The following KIAA1217 variants were observed in gnomAD, a reference collection of about 807,000 sequenced individuals.
KIAA1217 encodes the protein KIAA1217.
KIAA1217 carries 88 observed loss-of-function variants against 163.9 expected under a neutral mutation model. The ratio of observed to expected loss-of-function variants is 0.54; its 90% CI spans 0.45 to 0.64. KIAA1217 has a LOEUF of 0.64. Ranked by LOEUF, KIAA1217 falls within the 30% of genes least tolerant of loss-of-function variation. The probability of loss-of-function intolerance (pLI) is 0.00; values close to 1 mark genes in which losing one functional copy is unlikely to be tolerated. For missense variants in KIAA1217, 2,372 were observed against 2,475.0 expected, an observed-to-expected ratio of 0.96 and a Z score of 0.88; for synonymous variants, 903 against 923.1, an observed-to-expected ratio of 0.98 and a Z score of 0.39.
intron 1 of KIAA1217, among the ~76,000 whole-genome samples, chr10:23,831,253 A>C (rs541646593): frequency 6.6e-6 from 1 of 152,100 alleles, no homozygotes; most frequent in Non-Finnish European, 1.5e-5. Flanking sequence ...AAATATAGAT[A>C]AATGGGACTA....
At chr10:24,139,286 T>C (rs2063957746) in intron 2 of KIAA1217, among the ~76,000 whole-genome samples, 1 of 152,154 alleles carries the variant, frequency 6.6e-6, no homozygotes, top group African/African-American at 2.4e-5. Context: ...CATATAATTA[T>C]ACATACTCTA....
chr10:24,535,865 T>C (rs1480530639), intron 16 of KIAA1217, among the ~76,000 whole-genome samples: 1 of 151,958 alleles, frequency 6.6e-6, no homozygotes, highest in African/African-American at 2.4e-5. Flanking sequence ...AAAAAAATCC[T>C]ACAGCTCAGA....
chr10:24,153,614 C>T (rs2064727828), intron 2 of KIAA1217, among the ~76,000 whole-genome samples: 1 of 152,162 alleles, frequency 6.6e-6, no homozygotes, highest in Middle Eastern at 3.2e-3. Flanking sequence ...TGAATGAATT[C>T]CACTGACCTG....
chr10:24,505,196 A>G (rs2068172936), intron 9 of KIAA1217, among the ~76,000 whole-genome samples: 1 of 150,920 alleles, frequency 6.6e-6, no homozygotes, highest in Non-Finnish European at 1.5e-5. Flanking sequence ...GCTATTACCA[A>G]TGACTTAAAG....
intron 1 of KIAA1217, among the ~76,000 whole-genome samples, chr10:23,988,562 C>G (rs1171671662): frequency 6.6e-6 from 1 of 151,936 alleles, no homozygotes; most frequent in East Asian, 1.9e-4. Flanking sequence ...AGAGAAAGAC[C>G]AAACAAACAA....
At chr10:23,830,710 A>AGGTAGG (rs1564458248) in intron 1 of KIAA1217, among the ~76,000 whole-genome samples, 28 of 105,326 alleles carry the variant, frequency 2.7e-4, no homozygotes, top group African/African-American at 9.3e-4. Flanking sequence ...AGGTAGGTAG[A>AGGTAGG]TAGATAGGTA....
intron 2 of KIAA1217, among the ~76,000 whole-genome samples, chr10:24,374,151 A>G (rs1378588257): frequency 6.6e-6 from 1 of 152,268 alleles, no homozygotes; most frequent in Non-Finnish European, 1.5e-5. Context: ...AATAAATCCT[A>G]GAGAAAATGC....
intron 2 of KIAA1217, among the ~76,000 whole-genome samples, chr10:24,133,399 C>T (rs925041958): frequency 1.3e-5 from 2 of 151,836 alleles, no homozygotes; most frequent in African/African-American, 4.8e-5. Context: ...TGGTGAAACC[C>T]TGTCTCTATT....
At chr10:24,390,467 GGGAGGGAGGGAAGGAAGGAA>G (rs1430053847) in intron 3 of KIAA1217, among the ~76,000 whole-genome samples, 1 of 94,268 alleles carries the variant, frequency 1.1e-5, no homozygotes, top group East Asian at 3.4e-4. Context: ...AAAGGAGGGA[GGGAGGGAGGGAAGGAAGGAA>G]GGAAGGAAGG....
chr10:24,050,084 G>C (rs984886780), intron 2 of KIAA1217, among the ~76,000 whole-genome samples: 3 of 152,072 alleles, frequency 2.0e-5, no homozygotes, highest in African/African-American at 7.2e-5. Context: ...TTACACGTTT[G>C]TTGGCTGCAT....
At chr10:23,803,216 G>C (rs985426821) in intron 1 of KIAA1217, among the ~76,000 whole-genome samples, 1 of 152,190 alleles carries the variant, frequency 6.6e-6, no homozygotes, top group Non-Finnish European at 1.5e-5. Context: ...AAAAAAACAA[G>C]ATGGATTCAT....
At chr10:24,146,900 C>A (rs2064341186) in intron 2 of KIAA1217, among the ~76,000 whole-genome samples, 1 of 151,588 alleles carries the variant, frequency 6.6e-6, no homozygotes, top group Middle Eastern at 3.4e-3. Flanking sequence ...AATATTTGGT[C>A]CTTCCAGAGA....
At chr10:24,464,187 G>C (rs2062707291) in intron 5 of KIAA1217, among the ~76,000 whole-genome samples, 1 of 152,192 alleles carries the variant, frequency 6.6e-6, no homozygotes, top group Non-Finnish European at 1.5e-5. Context: ...GGGTGAGCTT[G>C]GCGCTTGCTA....
chr10:24,131,401 C>G (rs950672813), intron 2 of KIAA1217, among the ~76,000 whole-genome samples: 2 of 152,090 alleles, frequency 1.3e-5, no homozygotes, highest in Non-Finnish European at 2.9e-5. Flanking sequence ...AAAAGAATGT[C>G]AGAATGAACA....
chr10:23,923,572 T>C (rs1470772672), intron 1 of KIAA1217, among the ~76,000 whole-genome samples: 3 of 151,766 alleles, frequency 2.0e-5, no homozygotes, highest in African/African-American at 7.3e-5. Context: ...CAGGATAGGG[T>C]GATGGAATGA....
chr10:24,037,862 G>C (rs1451688835), intron 2 of KIAA1217, among the ~76,000 whole-genome samples: 1 of 151,424 alleles, frequency 6.6e-6, no homozygotes, highest in Admixed American at 6.6e-5. Flanking sequence ...TTCCTTTTTT[G>C]CTTTGGTGCT....
intron 1 of KIAA1217, among the ~76,000 whole-genome samples, chr10:23,744,997 A>T (rs941737040): frequency 6.6e-6 from 1 of 152,116 alleles, no homozygotes; most frequent in African/African-American, 2.4e-5. Context: ...AAATATTAGG[A>T]TCACCCAAAA....
intron 2 of KIAA1217, among the ~76,000 whole-genome samples, chr10:24,139,519 T>C (rs2063966845): frequency 6.6e-6 from 1 of 152,182 alleles, no homozygotes. Flanking sequence ...TGCTTCATTC[T>C]TACTCTTTTC....
intron 1 of KIAA1217, among the ~76,000 whole-genome samples, chr10:23,814,961 A>T (rs1221061882): frequency 6.6e-6 from 1 of 152,188 alleles, no homozygotes; most frequent in African/African-American, 2.4e-5. Context: ...TCAGGATTTT[A>T]TGGCTCTGAT....
Sources: gnomAD v4.1 joint callset for allele counts (sites outside exome capture counted in the v4.1 genomes callset) on GRCh38, gnomAD v4.1.1 for gene constraint, MANE v1.5 for transcripts, NCBI Gene and HGNC (gene_info 2026-07-23, HGNC 2026-07-21) for gene names.